Variants in EVA1A observed in about 807,000 individuals in gnomAD.
EVA1A encodes the protein protein eva-1 homolog A.
A neutral mutation model predicts 9.8 loss-of-function variants in EVA1A; 7 were observed. The ratio of observed to expected loss-of-function variants is 0.71; its 90% CI spans 0.41 to 1.34. The LOEUF (loss-of-function observed/expected upper bound fraction) is 1.34, where lower values mean the gene tolerates loss of function less well. EVA1A is among the 40% of genes most tolerant of loss of function. EVA1A has a pLI of 0.01. For missense variants in EVA1A, 206 were observed against 205.9 expected (o/e 1.00, Z 0.00); for synonymous variants, 90 against 85.6 (o/e 1.05, Z -0.28).
intron 1 of EVA1A, among the ~76,000 whole-genome samples, chr2:75,553,596 G>C (rs1001653117): frequency 2.0e-5 from 3 of 152,204 alleles, no homozygotes; most frequent in African/African-American, 7.2e-5. Flanking sequence ...GAGCTGAGCA[G>C]ACACACCAAG....
At chr2:75,508,883 G>A (rs796270039) in intron 3 of EVA1A, among the ~76,000 whole-genome samples, 5 of 152,188 alleles carry the variant, frequency 3.3e-5, no homozygotes, top group African/African-American at 1.2e-4. Flanking sequence ...CGTGACTATC[G>A]GGGCGGGTTC....
chr2:75,563,289 C>T (rs956460641), upstream of EVA1A, among the ~76,000 whole-genome samples: 3 of 152,186 alleles, frequency 2.0e-5, no homozygotes, highest in Admixed American at 6.5e-5. Flanking sequence ...GCCTGAGAGC[C>T]CCTCTTGGGG....
At chr2:75,555,498 G>C (rs1417060501) in intron 1 of EVA1A, among the ~76,000 whole-genome samples, 1 of 152,032 alleles carries the variant, frequency 6.6e-6, no homozygotes, top group Non-Finnish European at 1.5e-5. Flanking sequence ...ACTTTGAAAA[G>C]AAAACAAAAC....
At chr2:75,518,011 C>G (rs747155416) in intron 3 of EVA1A, 45 bp downstream of exon 3, 1 of 1,611,004 alleles carries the variant, frequency 6.2e-7, no homozygotes, top group Non-Finnish European at 8.5e-7. Context: ...ACCTTGGACC[C>G]AGCCCCAGAC....
intron 3 of EVA1A, among the ~76,000 whole-genome samples, chr2:75,500,775 G>C (rs921132361): frequency 4.7e-5 from 7 of 149,564 alleles, no homozygotes; most frequent in African/African-American, 1.7e-4. Flanking sequence ...TCTGCCTGAG[G>C]CTCCCTTCAG....
intron 2 of EVA1A, among the ~76,000 whole-genome samples, chr2:75,521,631 G>A (rs1388689934): frequency 6.6e-6 from 1 of 152,198 alleles, no homozygotes; most frequent in Non-Finnish European, 1.5e-5. Flanking sequence ...CATATTCATA[G>A]AGACAGAAAG....
intron 1 of EVA1A, among the ~76,000 whole-genome samples, chr2:75,538,195 CAGG>C (rs1300214940): frequency 6.6e-6 from 1 of 152,128 alleles, no homozygotes; most frequent in East Asian, 1.9e-4. Flanking sequence ...GAGGCTGAGA[CAGG>C]AGAATTGCTT....
At chr2:75,496,704 C>A (rs1482282939) in intron 3 of EVA1A, among the ~76,000 whole-genome samples, 1 of 152,006 alleles carries the variant, frequency 6.6e-6, no homozygotes, top group Non-Finnish European at 1.5e-5. Flanking sequence ...CATATGGAAC[C>A]AAAAGAGCGT....
intron 3 of EVA1A, among the ~76,000 whole-genome samples, chr2:75,515,105 T>C (rs947019054): frequency 1.2e-4 from 18 of 152,248 alleles, no homozygotes. Context: ...TTTCTTCTTT[T>C]GCAAACTGTT....
intron 1 of EVA1A, among the ~76,000 whole-genome samples, chr2:75,547,049 C>T (rs1483085015): frequency 1.1e-4 from 16 of 152,224 alleles, no homozygotes; most frequent in Admixed American, 5.2e-4. Context: ...AACCATGAGC[C>T]GATACTTTTC....
Position 75,540,005 on chromosome 2 carries a change from T to G in EVA1A, c.-191-17518A>C, listed in dbSNP as rs757594872. Among the ~76,000 whole-genome samples, 6 of 152,198 alleles carry G rather than the reference T, an allele frequency of 3.9e-5. 1 individual carries two copies. In the South Asian group the frequency reaches 6.2e-4, roughly 16 times the overall value. On this transcript the variant is annotated intron_variant, in intron 1 of 3. Transcript: ENST00000393913. ...ATGCAGACATTGCTGGCAGGGATGA[T>G]TTAAGAAGGGAGAGAGGGAAGAAAT...
chr2:75,559,929 A>G (rs1166174016), intron 1 of EVA1A, among the ~76,000 whole-genome samples: 1 of 152,126 alleles, frequency 6.6e-6, no homozygotes, highest in Non-Finnish European at 1.5e-5. Flanking sequence ...GTTAATAAGA[A>G]CAACATGGCA....
chr2:75,531,547 T>TATAA (rs1675648865), intron 1 of EVA1A, among the ~76,000 whole-genome samples: 2 of 151,596 alleles, frequency 1.3e-5, no homozygotes, highest in South Asian at 4.1e-4. Flanking sequence ...TATATATATA[T>TATAA]AATATTCTAT....
intron 3 of EVA1A, among the ~76,000 whole-genome samples, chr2:75,497,673 GAAAA>G (rs1172204505): frequency 3.2e-4 from 49 of 151,650 alleles, no homozygotes; most frequent in African/African-American, 1.2e-3. Context: ...CAACATGGTG[GAAAA>G]CCCATCATTA....
At chr2:75,555,917 A>G (rs749323655) in intron 1 of EVA1A, among the ~76,000 whole-genome samples, 2 of 152,196 alleles carry the variant, frequency 1.3e-5, no homozygotes. Context: ...AAGCTCAAAC[A>G]TCCTCTTCTC....
chr2:75,501,096 C>A (rs1674401916), intron 3 of EVA1A, among the ~76,000 whole-genome samples: 1 of 152,102 alleles, frequency 6.6e-6, no homozygotes, highest in East Asian at 1.9e-4. Flanking sequence ...TCATATCCCC[C>A]CAAACTCTTC....
At chr2:75,568,142 C>A (rs561586222) in intron 1 of EVA1A, among the ~76,000 whole-genome samples, 1 of 152,182 alleles carries the variant, frequency 6.6e-6, no homozygotes, top group African/African-American at 2.4e-5. Context: ...TTTCTCTGTG[C>A]CAAAGCCCCT....
At chr2:75,526,774 G>T (rs1675457324) in intron 1 of EVA1A, among the ~76,000 whole-genome samples, 1 of 152,250 alleles carries the variant, frequency 6.6e-6, no homozygotes, top group African/African-American at 2.4e-5. Flanking sequence ...CATTTTGGTG[G>T]ATCTGCAGTG....
At chr2:75,493,696 A>C in intron 3 of EVA1A, 87 bp from the exon 4 acceptor site, 55 of 1,303,796 alleles carry the variant, frequency 4.2e-5, no homozygotes, top group Non-Finnish European at 5.4e-5. Context: ...TACACTTCTC[A>C]CCAGGCCCCA....
Sources: gnomAD v4.1 joint callset for allele counts (sites outside exome capture counted in the v4.1 genomes callset) on GRCh38, gnomAD v4.1.1 for gene constraint, MANE v1.5 for transcripts, NCBI Gene and HGNC (gene_info 2026-07-23, HGNC 2026-07-21) for gene names.